Variants in LRRC4C observed in about 807,000 individuals in gnomAD.
LRRC4C encodes the protein leucine-rich repeat-containing protein 4C.
A neutral mutation model predicts 33.6 loss-of-function variants in LRRC4C; 5 were observed. That is an observed-to-expected ratio of 0.15 (90% confidence interval 0.08 to 0.31). The LOEUF is 0.31. Among genes scored for constraint, LRRC4C ranks in the 10% least tolerant of loss-of-function variants. The pLI is 1.00. For synonymous variants in LRRC4C, 329 were observed against 302.0 expected, an observed-to-expected ratio of 1.09 and a Z score of -0.93; for missense variants, 560 against 796.7, an observed-to-expected ratio of 0.70 and a Z score of 3.58.
At chr11:41,181,788 C>T (rs1231057251) in intron 1 of LRRC4C, among the ~76,000 whole-genome samples, 1 of 152,174 alleles carries the variant, frequency 6.6e-6, no homozygotes, top group Non-Finnish European at 1.5e-5. Flanking sequence ...ATACTAACCA[C>T]CATCACTTTG....
chr11:40,674,237 C>CA (rs111282264), intron 2 of LRRC4C, among the ~76,000 whole-genome samples: 8,628 of 152,092 alleles, frequency 0.057, 827 homozygotes, highest in African/African-American at 0.2. Flanking sequence ...GACTAAATGT[C>CA]AAAAAAACTA....
At chr11:40,253,435 T>C (rs1453060667) in intron 4 of LRRC4C, among the ~76,000 whole-genome samples, 2 of 152,172 alleles carry the variant, frequency 1.3e-5, no homozygotes, top group Admixed American at 1.3e-4. Context: ...GAATGCCACA[T>C]ATGATACTTT....
At chr11:40,353,446 A>G (rs1597828) in intron 3 of LRRC4C, among the ~76,000 whole-genome samples, 136,563 of 152,166 alleles carry the variant, frequency 0.9, 61,374 homozygotes, top group East Asian at 0.99. Context: ...GGCCAGGTGC[A>G]GTGGCTCATG....
chr11:41,337,834 G>A (rs1409989063), intron 1 of LRRC4C, among the ~76,000 whole-genome samples: 10 of 151,824 alleles, frequency 6.6e-5, no homozygotes, highest in Admixed American at 6.6e-4. Flanking sequence ...TTAAACAAAT[G>A]CACAAGAAAA....
chr11:41,142,971 G>A (rs998512765), intron 1 of LRRC4C, among the ~76,000 whole-genome samples: 1 of 152,066 alleles, frequency 6.6e-6, no homozygotes, highest in African/African-American at 2.4e-5. Context: ...ACAAAGCAGA[G>A]TTTTTCCATA....
intron 3 of LRRC4C, among the ~76,000 whole-genome samples, chr11:40,458,032 T>C (rs974321333): frequency 1.3e-5 from 2 of 152,166 alleles, no homozygotes; most frequent in African/African-American, 2.4e-5. Context: ...ATAAAAGTGG[T>C]TTGTGCAACT....
intron 1 of LRRC4C, among the ~76,000 whole-genome samples, chr11:41,097,130 G>T (rs1036908841): frequency 6.6e-6 from 1 of 152,120 alleles, no homozygotes; most frequent in Non-Finnish European, 1.5e-5. Context: ...AGCCTTGAAG[G>T]CATAGGAAAC....
chr11:41,068,354 G>A (rs755069068), intron 1 of LRRC4C, among the ~76,000 whole-genome samples: 9 of 151,972 alleles, frequency 5.9e-5, no homozygotes, highest in Non-Finnish European at 8.8e-5. Context: ...GCGTGCCACC[G>A]CACTCTAGCT....
intron 3 of LRRC4C, among the ~76,000 whole-genome samples, chr11:40,377,765 G>A (rs1035351001): frequency 3.9e-5 from 6 of 152,004 alleles, no homozygotes; most frequent in Admixed American, 3.3e-4. Flanking sequence ...ACAACAAATT[G>A]TTTAAAATAT....
At chr11:40,218,923 C>T (rs896525459) in intron 5 of LRRC4C, among the ~76,000 whole-genome samples, 3 of 152,062 alleles carry the variant, frequency 2.0e-5, no homozygotes, top group African/African-American at 7.2e-5. Context: ...CTGTACTTCC[C>T]AATCCCTCTG....
chr11:41,021,030 C>G (rs926198764), intron 1 of LRRC4C, among the ~76,000 whole-genome samples: 1 of 152,100 alleles, frequency 6.6e-6, no homozygotes, highest in Non-Finnish European at 1.5e-5. Context: ...TAACCTTTTC[C>G]TTCACAGCAT....
chr11:40,668,678 G>C (rs1456706983), intron 2 of LRRC4C, among the ~76,000 whole-genome samples: 1 of 152,084 alleles, frequency 6.6e-6, no homozygotes, highest in Non-Finnish European at 1.5e-5. Flanking sequence ...GGTGGGGAGA[G>C]AAAAAAGTAA....
intron 1 of LRRC4C, among the ~76,000 whole-genome samples, chr11:41,112,911 C>T (rs931758075): frequency 1.3e-5 from 2 of 151,980 alleles, no homozygotes; most frequent in Admixed American, 6.6e-5. Flanking sequence ...TGTGTGTGCA[C>T]GTGTACATTT....
chr11:40,202,213 C>CAAAAA (rs35644436), intron 5 of LRRC4C, among the ~76,000 whole-genome samples: 2 of 65,014 alleles, frequency 3.1e-5, no homozygotes, highest in African/African-American at 5.9e-5. Context: ...GTGTGATTAC[C>CAAAAA]AAAAAAAAAA....
chr11:40,565,613 C>T lies in LRRC4C; in HGVS notation c.-270+82529G>A, dbSNP rs184061736. On this transcript the variant is annotated intron_variant, in intron 3 of 6. Transcript: ENST00000528697. ...CCTTCCATTACAATTTTGACAGTTG[C>T]GACATCCAATTCCTCACCCAAAGAC... 5.7e-3 allele frequency among the ~76,000 whole-genome samples: 874 copies of T among 152,218 alleles called. 6 individuals are homozygous for T. Among genetic ancestry groups the T allele is most frequent in the Middle Eastern group, 0.017 (5 of 294 alleles).
At chr11:40,698,140 A>C (rs1945673337) in intron 2 of LRRC4C, among the ~76,000 whole-genome samples, 1 of 152,064 alleles carries the variant, frequency 6.6e-6, no homozygotes, top group African/African-American at 2.4e-5. Context: ...TTATAATCAT[A>C]ATAAAGTACT....
At chr11:40,583,012 T>C (rs182174724) in intron 3 of LRRC4C, among the ~76,000 whole-genome samples, 2 of 152,342 alleles carry the variant, frequency 1.3e-5, no homozygotes, top group East Asian at 3.9e-4. Flanking sequence ...CAGTGAATTA[T>C]TATTAACTAT....
intron 5 of LRRC4C, among the ~76,000 whole-genome samples, chr11:40,209,688 G>A (rs1026862760): frequency 6.6e-6 from 1 of 152,128 alleles, no homozygotes; most frequent in African/African-American, 2.4e-5. Flanking sequence ...GACTACAGGT[G>A]TGACAAAAAT....
chr11:40,692,170 G>T lies in LRRC4C; in HGVS notation c.-406-43892C>A, dbSNP rs146884410. Reference sequence around the variant, plus strand: ...TCTCTGAGAAAATGAACCCGAGAGAGATCAGCATACAATGTGTCAATTCCC... The same window carrying T: ...TCTCTGAGAAAATGAACCCGAGAGATATCAGCATACAATGTGTCAATTCCC... On this transcript the variant is annotated intron_variant, in intron 2 of 6. Transcript: ENST00000528697. 1.1e-4 allele frequency among the ~76,000 whole-genome samples: 17 copies of T among 152,092 alleles called. No individual in the cohort carries two copies. The East Asian group carries it at 3.1e-3, about 28-fold the overall frequency.
Sources: allele counts gnomAD v4.1 joint callset (sites outside exome capture counted in the v4.1 genomes callset), GRCh38; gene constraint gnomAD v4.1.1; transcripts MANE v1.5; gene names NCBI Gene and HGNC (gene_info 2026-07-23, HGNC 2026-07-21).